Variants in GLYR1 observed in about 807,000 individuals in gnomAD.
The protein encoded by GLYR1 is glyoxylate reductase 1 homolog, also known as cytokine-like nuclear factor N-PAC.
GLYR1 carries 21 observed loss-of-function variants against 72.7 expected under a neutral mutation model. The observed-to-expected ratio is 0.29, with a 90% CI of 0.20 to 0.42. The LOEUF is 0.42. Among genes scored for constraint, GLYR1 ranks in the 10% least tolerant of loss-of-function variants. The pLI is 1.00. For synonymous variants in GLYR1, 392 were observed against 270.2 expected (o/e 1.45, Z -4.42); for missense variants, 594 against 712.1 (o/e 0.83, Z 1.89).
chr16:4,835,173 C>G (rs1445336739), intron 3 of GLYR1, among the ~76,000 whole-genome samples: 1 of 152,112 alleles, frequency 6.6e-6, no homozygotes, highest in Non-Finnish European at 1.5e-5. Context: ...ACTTGCTAAT[C>G]CCACCCACGC....
intron 3 of GLYR1, among the ~76,000 whole-genome samples, chr16:4,834,613 G>A (rs1047281574): frequency 6.6e-6 from 1 of 152,080 alleles, no homozygotes; most frequent in African/African-American, 2.4e-5. Flanking sequence ...CTACAGGTAT[G>A]CACCACCACA....
chr16:4,830,734 C>T (rs757693983), intron 5 of GLYR1, among the ~76,000 whole-genome samples: 5 of 152,194 alleles, frequency 3.3e-5, no homozygotes, highest in African/African-American at 4.8e-5. Context: ...TTCTCTGTGG[C>T]CTTGTAAGAC....
intron 5 of GLYR1, 98 bp downstream of exon 5, chr16:4,831,881 T>A (rs1228491931): frequency 1.3e-6 from 2 of 1,488,388 alleles, no homozygotes; most frequent in East Asian, 2.3e-5. Context: ...ATGAGCAGAG[T>A]ATAGATAAGC....
Position 4,811,663 on chromosome 16 carries a change from C to G in GLYR1, c.1422G>C (p.Gln474His), listed in dbSNP as rs1202211619. The change falls in exon 14 of 16, where the codon CAG becomes CAC. Residue 474 changes from glutamine (Q) to histidine (H), a missense_variant. By Grantham distance (24) the Gln-to-His change is conservative. Transcript: ENST00000321919. ...CCAGGAAGATGCTGGCCAACTGTCC[C>G]TGATTGAGGATGTCCAAGAGTGTCT... ...SQQTLLDILN[Q>H]GQLASIFLDQ... 6.2e-7 allele frequency: 1 copy of G among 1,614,192 alleles called. No homozygotes were observed. Among genetic ancestry groups the G allele is most frequent in the Non-Finnish European group, 8.5e-7 (1 of 1,180,040 alleles).
At chr16:4,844,982 A>G in intron 3 of GLYR1, 92 bp downstream of exon 3, 2 of 841,982 alleles carry the variant, frequency 2.4e-6, no homozygotes, top group Non-Finnish European at 4.0e-6. Flanking sequence ...AGAAGACTGA[A>G]CTAAGGATCC....
chr16:4,805,881 T>C (rs1329986997), intron 15 of GLYR1, among the ~76,000 whole-genome samples: 2 of 151,658 alleles, frequency 1.3e-5, no homozygotes, highest in Admixed American at 6.6e-5. Flanking sequence ...CTCAGGAGGT[T>C]GAGGCAGGAG....
rs752579419 is a variant in GLYR1, at chr16:4,812,078, C to CGTGT, written c.1282+4_1282+7dup. On this transcript the variant is annotated splice_region_variant and intron_variant, in intron 13 of 15. Transcript: ENST00000321919. ...AGGCTCCAGGCCTGACAGGTGCAGG[C>CGTGT]GTGTTACCTAGGAAGAAGGAGGTCT... 6.2e-7 allele frequency: 1 copy of CGTGT among 1,611,662 alleles called. No homozygotes were observed. The highest frequency in any genetic ancestry group is 8.5e-7 in the Non-Finnish European group (1 of 1,178,812).
intron 15 of GLYR1, among the ~76,000 whole-genome samples, chr16:4,808,517 G>A (rs934439936): frequency 6.6e-5 from 10 of 151,978 alleles, no homozygotes; most frequent in African/African-American, 2.2e-4. Flanking sequence ...AGAATCACTT[G>A]AACCCAGGAG....
At chr16:4,832,329 T>C (rs2084853500) in intron 4 of GLYR1, 108 bp from the exon 5 acceptor site, 1 of 1,302,120 alleles carries the variant, frequency 7.7e-7, no homozygotes, top group Admixed American at 2.0e-5. Context: ...TGTGGTCTCC[T>C]CACAATGACC....
At chr16:4,835,559 G>A (rs1244132513) in intron 3 of GLYR1, among the ~76,000 whole-genome samples, 2 of 152,178 alleles carry the variant, frequency 1.3e-5, no homozygotes, top group East Asian at 1.9e-4. Context: ...GGCTGGGCAC[G>A]GTGGCTCACA....
rs928471713 is a variant in GLYR1 at position 4,828,075 on chromosome 16, T to C, written c.537+3904A>G. Among the ~76,000 whole-genome samples, 10 of 151,752 alleles carry C rather than the reference T, an allele frequency of 6.6e-5. 1 individual carries two copies. Among genetic ancestry groups the C allele is most frequent in the Non-Finnish European group, 1.5e-5 (1 of 67,966 alleles). On this transcript the variant is annotated intron_variant, in intron 5 of 15. Coordinates refer to ENST00000321919, the MANE Select transcript of GLYR1 (RefSeq NM_032569.4). ...ATTTTTAACTTAAGGCATGTATATA[T>C]ATATATTTTTTTGAGATGGAGTCTC...
intron 3 of GLYR1, among the ~76,000 whole-genome samples, chr16:4,837,943 A>C (rs1166123565): frequency 7.7e-6 from 1 of 129,312 alleles, no homozygotes; most frequent in African/African-American, 3.0e-5. Context: ...AAATAAATAA[A>C]TAAATAAATA....
Position 4,817,624 on chromosome 16 carries a change from T to C in GLYR1, c.880A>G (p.Thr294Ala). The C allele has an allele frequency of 6.2e-7, 1 of 1,612,916 alleles. No individual in the cohort carries two copies. Among genetic ancestry groups the C allele is most frequent in the Middle Eastern group, 1.6e-4 (1 of 6,062 alleles). ...TTCTCTGCAGTGCGGTTCCAGACAG[T>C]CACTGTGTGACCCATTTTTAGCAAG... ...SNLLKMGHTV[T>A]VWNRTAEKCD... Residue 294 changes from threonine (T) to alanine (A), a missense_variant, in exon 10 of 16, where the codon ACT (threonine) becomes GCT (alanine). Thr to Ala is a moderately conservative substitution (Grantham distance 58). Around this residue, in one of 5 missense-constraint regions of GLYR1, gnomAD observed 266 missense variants for 358.4 expected, o/e 0.74. Transcript: ENST00000321919.
chr16:4,832,274 C>T (rs942308603), intron 4 of GLYR1, 53 bp from the exon 5 acceptor site: 107 of 1,599,318 alleles, frequency 6.7e-5, no homozygotes, highest in Admixed American at 1.3e-4. Context: ...CTGCCGCCAT[C>T]GCCACCATCA....
chr16:4,836,234 C>A (rs1420477889), intron 3 of GLYR1, among the ~76,000 whole-genome samples: 8 of 152,186 alleles, frequency 5.3e-5, no homozygotes, highest in Admixed American at 5.2e-4. Context: ...GTAAATGATT[C>A]CTTCCCAGAT....
rs141592497 is a variant in GLYR1 at position 4,818,283 on chromosome 16, A to G, written c.807-586T>C. On this transcript the variant is annotated intron_variant, in intron 9 of 15. Transcript: ENST00000321919. The stretch of plus-strand genomic sequence containing the variant: ...GCTCGGATTACAGGCGTGAGCCACC[A>G]TGCCCGGCCTCACACTTTACTTATT... Among the ~76,000 whole-genome samples the G allele has an allele frequency of 9.9e-3, 1,503 of 152,064 alleles. 31 individuals carry two copies. The highest frequency in any genetic ancestry group is 0.035 in the African/African-American group (1,456 of 41,480).
At chr16:4,816,840 A>G (rs538203073) in intron 10 of GLYR1, among the ~76,000 whole-genome samples, 4 of 152,100 alleles carry the variant, frequency 2.6e-5, no homozygotes, top group Middle Eastern at 6.8e-3. Context: ...ACAAAAAATT[A>G]GCCAGGTGTG....
At chr16:4,809,145 A>G (rs1302135751) in intron 15 of GLYR1, among the ~76,000 whole-genome samples, 4 of 151,150 alleles carry the variant, frequency 2.6e-5, no homozygotes, top group African/African-American at 9.7e-5. Context: ...AAAAATATAC[A>G]TACCATGAAA....
Position 4,833,232 on chromosome 16 carries a change from G to A in GLYR1, c.156-320C>T, listed in dbSNP as rs144999206. 259 of 198,606 alleles carry A rather than the reference G, an allele frequency of 1.3e-3. 1 individual carries two copies. The highest frequency in any genetic ancestry group is 5.7e-3 in the African/African-American group (247 of 43,314). 12.3% of individuals were successfully genotyped at this position (198,606 alleles called of 1,614,324 possible). On this transcript the variant is annotated intron_variant, in intron 3 of 15. Coordinates refer to ENST00000321919, the MANE Select transcript of GLYR1 (RefSeq NM_032569.4). ...GCCTCCAATGCCCAACCACATATAC[G>A]CTGCCACTTGCTCAGGGCAGAAAGA...
Sources: allele counts gnomAD v4.1 joint callset (sites outside exome capture counted in the v4.1 genomes callset), GRCh38; gene constraint gnomAD v4.1.1; regional missense constraint gnomAD v4.1.1; transcripts MANE v1.5; gene names NCBI Gene and HGNC (gene_info 2026-07-23, HGNC 2026-07-21).